Variants in DCBLD1 observed in about 807,000 individuals in gnomAD.
The protein encoded by DCBLD1 is discoidin, CUB and LCCL domain-containing protein 1.
DCBLD1 carries 57 observed loss-of-function variants against 71.5 expected under a neutral mutation model. That is an observed-to-expected ratio of 0.80 (90% CI 0.64 to 0.99). The LOEUF (loss-of-function observed/expected upper bound fraction) is 0.99. Ranked by LOEUF, DCBLD1 falls within the 50% of genes least tolerant of loss-of-function variation. DCBLD1 has a pLI of 0.00. For synonymous variants in DCBLD1, 380 were observed against 363.8 expected, an observed-to-expected ratio of 1.04 and a Z score of -0.51; for missense variants, 891 against 923.5, an observed-to-expected ratio of 0.96 and a Z score of 0.46.
Position 117,503,873 on chromosome 6 carries a change from A to C in DCBLD1, c.219A>C (p.Thr73=), listed in dbSNP as rs1777746728. Residue 73 remains threonine, a synonymous_variant, in exon 2 of 15, where the codon ACA becomes ACC. Transcript: ENST00000338728. ...PNHTVCEKTI[T]VPKGKRLILR... is the part of the protein sequence containing the mutation. ...ACACTGTTTGCGAAAAGACAATTAC[A>C]GTACCAAAGGGGAAAAGACTGATTC... 1 of 1,614,044 alleles carries C rather than the reference A, an allele frequency of 6.2e-7. No homozygotes were observed. Among genetic ancestry groups the C allele is most frequent in the Non-Finnish European group, 8.5e-7 (1 of 1,180,012 alleles).
chr6:117,491,894 G>A (rs1050313504), intron 1 of DCBLD1, among the ~76,000 whole-genome samples: 1 of 152,090 alleles, frequency 6.6e-6, no homozygotes, highest in Admixed American at 6.6e-5. Flanking sequence ...GTATAAGCCC[G>A]AAATTTGACC....
chr6:117,511,225 C>T (rs182832599), intron 2 of DCBLD1, among the ~76,000 whole-genome samples: 12 of 152,322 alleles, frequency 7.9e-5, no homozygotes, highest in Non-Finnish European at 1.5e-4. Flanking sequence ...CTTCTCCAGG[C>T]CTCTCCACAG....
downstream of DCBLD1, among the ~76,000 whole-genome samples, chr6:117,554,262 C>T (rs1779467444): frequency 1.3e-5 from 2 of 152,304 alleles, no homozygotes; most frequent in South Asian, 4.1e-4. Context: ...GGCAATACTT[C>T]CAGTACCATA....
At chr6:117,488,412 G>T (rs1158175177) in intron 1 of DCBLD1, among the ~76,000 whole-genome samples, 2 of 152,202 alleles carry the variant, frequency 1.3e-5, no homozygotes, top group African/African-American at 2.4e-5. Flanking sequence ...GGGAGGCTGA[G>T]GTGGACAGAT....
chr6:117,519,744 A>G (rs2114486182), intron 2 of DCBLD1, 72 bp from the exon 3 acceptor site: 3 of 1,557,374 alleles, frequency 1.9e-6, no homozygotes, highest in South Asian at 2.4e-5. Flanking sequence ...TTTCAAGGAA[A>G]AAAATGCCAT....
intron 1 of DCBLD1, among the ~76,000 whole-genome samples, chr6:117,498,328 G>A (rs1209281740): frequency 1.3e-5 from 2 of 152,154 alleles, no homozygotes; most frequent in Non-Finnish European, 2.9e-5. Context: ...ATATTCTACA[G>A]TTGAGAGGAG....
chr6:117,540,571 C>A, intron 9 of DCBLD1, 97 bp from the exon 10 acceptor site: 2 of 1,463,070 alleles, frequency 1.4e-6, no homozygotes, highest in South Asian at 1.3e-5. Context: ...GACATAGAAT[C>A]CTTGCCTTGG....
Position 117,548,793 on chromosome 6 carries a change from C to T in DCBLD1, c.*354C>T. 9.0e-7 allele frequency: 1 copy of T among 1,110,296 alleles called. No homozygotes were observed. Among genetic ancestry groups the T allele is most frequent in the Non-Finnish European group, 1.1e-6 (1 of 909,000 alleles). The allele number at this position is 1,110,296 out of a possible 1,614,324, so 68.8% of individuals were successfully genotyped here. A position where few individuals can be genotyped will look rare whatever the true frequency, so the allele number is the denominator to read the frequency against. On this transcript the variant is annotated 3_prime_UTR_variant, in exon 15 of 15. Transcript: ENST00000338728. Reference sequence around the variant, plus strand: ...ATAATAAAAGTAACTTAAGTTTGCTCTATCAGATTTTAGTTCTGCACAGAG... The same window carrying T: ...ATAATAAAAGTAACTTAAGTTTGCTTTATCAGATTTTAGTTCTGCACAGAG...
chr6:117,566,966 C>T, intron 14 of DCBLD1: 1 of 1,610,642 alleles, frequency 6.2e-7, no homozygotes, highest in Non-Finnish European at 8.5e-7. Flanking sequence ...CATCTTCATA[C>T]TCTACGTTTT....
chr6:117,558,080 G>T (rs1779518746), intron 14 of DCBLD1, among the ~76,000 whole-genome samples: 1 of 152,194 alleles, frequency 6.6e-6, no homozygotes, highest in African/African-American at 2.4e-5. Context: ...AGTAGAGATT[G>T]CAAAGTCTCT....
downstream of DCBLD1, among the ~76,000 whole-genome samples, chr6:117,552,820 C>G (rs974753644): frequency 4.6e-5 from 7 of 152,178 alleles, no homozygotes; most frequent in Admixed American, 2.6e-4. Context: ...TCTATCAGCT[C>G]AAAACCCCCT....
chr6:117,555,376 G>A (rs1475278259), intron 14 of DCBLD1, among the ~76,000 whole-genome samples: 1 of 149,508 alleles, frequency 6.7e-6, no homozygotes, highest in Non-Finnish European at 1.5e-5. Context: ...GTTTTTTTTT[G>A]TAGTTCTCCT....
chr6:117,510,520 A>G (rs990733986), intron 2 of DCBLD1, among the ~76,000 whole-genome samples: 3 of 152,146 alleles, frequency 2.0e-5, no homozygotes, highest in Non-Finnish European at 4.4e-5. Flanking sequence ...GGGTTGGGAT[A>G]ATTATTTTAG....
intron 1 of DCBLD1, among the ~76,000 whole-genome samples, chr6:117,485,317 G>A (rs1323095899): frequency 2.0e-5 from 3 of 152,148 alleles, no homozygotes; most frequent in African/African-American, 7.2e-5. Context: ...CAAAATGAGC[G>A]CTTGATCTCT....
intron 4 of DCBLD1, 112 bp downstream of exon 4, chr6:117,521,688 G>A (rs537352059): frequency 2.9e-5 from 26 of 911,910 alleles, no homozygotes; most frequent in Non-Finnish European, 3.8e-5. Flanking sequence ...CATTCATGTT[G>A]TAACTAATGA....
chr6:117,546,241 C>CT (rs1779261297), intron 14 of DCBLD1, among the ~76,000 whole-genome samples: 1 of 152,116 alleles, frequency 6.6e-6, no homozygotes, highest in Admixed American at 6.5e-5. Flanking sequence ...AGTTTCTTGA[C>CT]ACTTAGTCTC....
intron 14 of DCBLD1, among the ~76,000 whole-genome samples, chr6:117,566,055 ATCT>A (rs372623706): frequency 2.0e-4 from 31 of 152,300 alleles, no homozygotes; most frequent in African/African-American, 7.2e-4. Flanking sequence ...CAAAATTGGT[ATCT>A]TCTTCTTTTA....
chr6:117,548,319 C>G lies in DCBLD1; in HGVS notation c.2028C>G (p.Thr676=). Residue 676 remains threonine (T), a synonymous_variant, in exon 15 of 15, where the codon ACC becomes ACG. Transcript: ENST00000338728. The part of the protein sequence containing the change: ...DRPKAVSALA[T]ESGHPDSQKP... Reference sequence around the variant, plus strand: ...CCAAAGCTGTCAGCGCCCTCGCCACCGAAAGCGGGCACCCTGACTCTCAGA... The same window carrying G: ...CCAAAGCTGTCAGCGCCCTCGCCACGGAAAGCGGGCACCCTGACTCTCAGA... 1 of 1,550,720 alleles carries G rather than the reference C, an allele frequency of 6.4e-7. No individual in the cohort carries two copies. The highest frequency in any genetic ancestry group is 8.7e-7 in the Non-Finnish European group (1 of 1,147,004).
chr6:117,541,059 G>A (rs1265992312), intron 11 of DCBLD1, 34 bp downstream of exon 11: 4 of 1,607,412 alleles, frequency 2.5e-6, no homozygotes, highest in Non-Finnish European at 3.4e-6. Flanking sequence ...TTCATAAGGA[G>A]CATAACTGGT....
Sources: gnomAD v4.1 joint callset for allele counts (sites outside exome capture counted in the v4.1 genomes callset) on GRCh38, gnomAD v4.1.1 for gene constraint, MANE v1.5 for transcripts, NCBI Gene and HGNC (gene_info 2026-07-23, HGNC 2026-07-21) for gene names.